The following L3MBTL2 variants were observed in gnomAD, a reference collection of about 807,000 sequenced individuals.
L3MBTL2 encodes the protein L3MBTL histone methyl-lysine binding protein 2.
A neutral mutation model predicts 86.4 loss-of-function variants in L3MBTL2; 49 were observed. The observed-to-expected ratio is 0.57, with a 90% CI of 0.45 to 0.72. L3MBTL2 has a LOEUF of 0.72. Among genes scored for constraint, L3MBTL2 ranks in the 30% least tolerant of loss-of-function variants. The pLI, the probability that L3MBTL2 is intolerant of heterozygous loss-of-function variation, is 0.00. For synonymous variants in L3MBTL2, 336 were observed against 350.6 expected, an observed-to-expected ratio of 0.96 and a Z score of 0.47; for missense variants, 755 against 923.7, an observed-to-expected ratio of 0.82 and a Z score of 2.37.
Position 41,227,777 on chromosome 22 carries a change from T to C in L3MBTL2, c.1823-27T>C, listed in dbSNP as rs1355905850. On this transcript the variant is annotated intron_variant, in intron 14 of 16. Coordinates refer to ENST00000216237, the MANE Select transcript of L3MBTL2 (RefSeq NM_031488.5). This position sits in a 1 kb window ranked among gnomAD's most constrained non-coding sequence, Gnocchi z 6.0. Reference sequence around the variant, plus strand: ...TCCTCCCAGGGACCCTCTTCTCATCTCTTTCACCCTTGTCTTTCAACAACA... The same window carrying C: ...TCCTCCCAGGGACCCTCTTCTCATCCCTTTCACCCTTGTCTTTCAACAACA... 1.2e-6 allele frequency: 2 copies of C among 1,613,410 alleles called. No homozygotes were observed. The highest frequency in any genetic ancestry group is 1.7e-6 in the Non-Finnish European group (2 of 1,179,770).
At chr22:41,205,458 G>T (rs1258571045) in intron 1 of L3MBTL2, 72 bp downstream of exon 1, 13 of 1,577,876 alleles carry the variant, frequency 8.2e-6, no homozygotes, top group Admixed American at 1.7e-5. Flanking sequence ...CCCTTCTTTA[G>T]GGCTTTTAGC....
intron 3 of L3MBTL2, among the ~76,000 whole-genome samples, chr22:41,215,074 G>A (rs956031109): frequency 7.9e-5 from 12 of 152,154 alleles, no homozygotes; most frequent in Non-Finnish European, 1.6e-4. Context: ...AGCCTGGACA[G>A]AGATTGGAAG....
At chr22:41,217,598 G>C in intron 5 of L3MBTL2, 1 of 203,536 alleles carries the variant, frequency 4.9e-6, no homozygotes, top group Non-Finnish European at 1.0e-5. Context: ...TGCTCCTGGA[G>C]CCACTTCTGT....
chr22:41,219,836 G>A (rs2031684827), intron 6 of L3MBTL2, among the ~76,000 whole-genome samples: 1 of 152,226 alleles, frequency 6.6e-6, no homozygotes, highest in African/African-American at 2.4e-5. Flanking sequence ...CCACCTCCTG[G>A]GTTCAAGCGA....
At chr22:41,206,583 G>C (rs970894987) in intron 1 of L3MBTL2, among the ~76,000 whole-genome samples, 1 of 152,084 alleles carries the variant, frequency 6.6e-6, no homozygotes, top group African/African-American at 2.4e-5. Context: ...CAGATCACGA[G>C]GTCAGGAGAT....
intron 15 of L3MBTL2, chr22:41,228,391 A>G: frequency 1.0e-6 from 1 of 985,442 alleles, no homozygotes; most frequent in Non-Finnish European, 1.2e-6. Context: ...CTCACTCTAC[A>G]GATTCTGAGC....
chr22:41,205,582 G>A (rs2145558410), intron 1 of L3MBTL2, among the ~76,000 whole-genome samples, 196 bp downstream of exon 1: 1 of 152,294 alleles, frequency 6.6e-6, no homozygotes, highest in African/African-American at 2.4e-5. Flanking sequence ...GCCAACGTTC[G>A]GCGAGGAGTT....
rs766290695 is a variant in L3MBTL2 at position 41,224,707 on chromosome 22, T to C, written c.1175-18T>C. ...CAACTCCCTTCTCTCCCTCATTCCC[T>C]ATCCATCTCCTCCAAAGAGAGGCGA... On this transcript the variant is annotated intron_variant, in intron 9 of 16. Transcript: ENST00000216237. The surrounding 1 kb of genome is among the most constrained non-coding windows in gnomAD (Gnocchi z 4.9). 4 of 1,602,742 alleles carry C rather than the reference T, an allele frequency of 2.5e-6. No homozygotes were observed. The highest frequency in any genetic ancestry group is 1.3e-5 in the African/African-American group (1 of 74,792).
At position 41,227,443 on chromosome 22, in the gene L3MBTL2, C is replaced by A; in HGVS notation, c.1822+120C>A. ...TGAGGTGGAGATGTCTCATGGACCA[C>A]TTTAAGTAGAGAGTGAGCCCCGTCA... On this transcript the variant is annotated intron_variant, in intron 14 of 16. Coordinates refer to ENST00000216237, the MANE Select transcript of L3MBTL2 (RefSeq NM_031488.5). The surrounding 1 kb of genome is among the most constrained non-coding windows in gnomAD (Gnocchi z 6.0). 8.2e-7 allele frequency: 1 copy of A among 1,213,602 alleles called. No individual in the cohort carries two copies. The highest frequency in any genetic ancestry group is 1.2e-6 in the Non-Finnish European group (1 of 843,458). The allele number at this position is 1,213,602 out of a possible 1,614,324, so 75.2% of individuals were successfully genotyped here.
At chr22:41,220,659 GAAA>G (rs397867987) in intron 6 of L3MBTL2, 72 bp from the exon 7 acceptor site, 616 of 1,277,816 alleles carry the variant, frequency 4.8e-4, no homozygotes, top group Middle Eastern at 1.1e-3. Flanking sequence ...CTTCGTCTCA[GAAA>G]AAAAAAAAAA....
chr22:41,224,492 T>C lies in L3MBTL2; in HGVS notation c.1175-233T>C, dbSNP rs1462808851. 6.6e-6 allele frequency among the ~76,000 whole-genome samples: 1 copy of C among 152,180 alleles called. No individual in the cohort carries two copies. Among genetic ancestry groups the C allele is most frequent in the Non-Finnish European group, 1.5e-5 (1 of 68,032 alleles). ...CAGCCCCGATCCTCTCCCCTGTCAATGCGGGAGCAGTCTGGGTTTCGAGGG... is the reference window on the plus strand; with the variant it reads ...CAGCCCCGATCCTCTCCCCTGTCAACGCGGGAGCAGTCTGGGTTTCGAGGG... On this transcript the variant is annotated intron_variant, in intron 9 of 16. Coordinates refer to ENST00000216237, the MANE Select transcript of L3MBTL2 (RefSeq NM_031488.5). This position sits in a 1 kb window ranked among gnomAD's most constrained non-coding sequence, Gnocchi z 4.9.
intron 1 of L3MBTL2, among the ~76,000 whole-genome samples, chr22:41,208,817 C>T (rs1269371060): frequency 1.3e-5 from 2 of 152,126 alleles, no homozygotes; most frequent in African/African-American, 2.4e-5. Context: ...GATCTTAGCT[C>T]GCTGCAACCT....
rs761904335 is a variant in L3MBTL2, at chr22:41,225,724, G to T, written c.1357-70G>T. Reference sequence around the variant, plus strand: ...CCATTTGCCTCGTGTCCCTATTGGGGTGCGGTACCAACCCAGGATGGGGTG... The same window carrying T: ...CCATTTGCCTCGTGTCCCTATTGGGTTGCGGTACCAACCCAGGATGGGGTG... On this transcript the variant is annotated intron_variant, in intron 11 of 16. Coordinates refer to ENST00000216237, the MANE Select transcript of L3MBTL2 (RefSeq NM_031488.5). This position sits in a 1 kb window ranked among gnomAD's most constrained non-coding sequence, Gnocchi z 4.1. The T allele has an allele frequency of 2.0e-6, 3 of 1,524,370 alleles. No individual in the cohort carries two copies. The highest frequency in any genetic ancestry group is 1.2e-5 in the South Asian group (1 of 81,554). The allele number at this position is 1,524,370 out of a possible 1,614,324, so 94.4% of individuals were successfully genotyped here.
intron 6 of L3MBTL2, among the ~76,000 whole-genome samples, chr22:41,219,932 C>T (rs1026254249): frequency 4.6e-5 from 7 of 152,106 alleles, no homozygotes; most frequent in South Asian, 2.1e-4. Flanking sequence ...TTAGTAGAGA[C>T]GGGGTTTCAC....
chr22:41,207,246 T>G, intron 1 of L3MBTL2, among the ~76,000 whole-genome samples: 1 of 139,112 alleles, frequency 7.2e-6, no homozygotes, highest in South Asian at 2.1e-4. Flanking sequence ...CTTTTTTTTT[T>G]TTTTTTTTTT....
At chr22:41,219,887 C>CA (rs2031688754) in intron 6 of L3MBTL2, among the ~76,000 whole-genome samples, 1 of 152,128 alleles carries the variant, frequency 6.6e-6, no homozygotes, top group African/African-American at 2.4e-5. Flanking sequence ...GACTACAGGC[C>CA]ACCTGGCCAC....
chr22:41,223,966 G>T, intron 8 of L3MBTL2, 54 bp from the exon 9 acceptor site: 2 of 1,395,508 alleles, frequency 1.4e-6, no homozygotes, highest in Non-Finnish European at 2.0e-6. Flanking sequence ...GAGCAGGAGG[G>T]TGGGTGGGAA....
chr22:41,210,398 C>T (rs1286187759), intron 2 of L3MBTL2, among the ~76,000 whole-genome samples: 2 of 152,122 alleles, frequency 1.3e-5, no homozygotes, highest in South Asian at 2.1e-4. Flanking sequence ...GGCGCGATCT[C>T]GGCTCACTGC....
In L3MBTL2 at chr22:41,226,603, C is replaced by T. The variant is rs1003230579; in HGVS notation, c.1505-59C>T. 2.7e-5 allele frequency: 33 copies of T among 1,227,528 alleles called. No individual in the cohort carries two copies. The African/African-American group carries it at 4.3e-4, about 16-fold the overall frequency. The allele number at this position is 1,227,528 out of a possible 1,614,324, so 76.0% of individuals were successfully genotyped here. Reference sequence around the variant, plus strand: ...AGCTTCTTCAGCCATGTGTCCTTTCCTCCTGCCCACTTCCTGCTTCCCCCT... The same window carrying T: ...AGCTTCTTCAGCCATGTGTCCTTTCTTCCTGCCCACTTCCTGCTTCCCCCT... On this transcript the variant is annotated intron_variant, in intron 12 of 16. Transcript: ENST00000216237.
Sources: gnomAD v4.1 joint callset for allele counts (sites outside exome capture counted in the v4.1 genomes callset) on GRCh38, gnomAD v4.1.1 for gene constraint, Gnocchi (gnomAD v3.1) non-coding constraint, MANE v1.5 for transcripts, NCBI Gene and HGNC (gene_info 2026-07-23, HGNC 2026-07-21) for gene names.